Variants in ANGPT2 observed in about 807,000 individuals in gnomAD.
ANGPT2 encodes the protein angiopoietin 2, also known as angiopoietin-2.
ANGPT2 carries 28 observed loss-of-function variants against 62.9 expected under a neutral mutation model. The observed-to-expected ratio is 0.44, with a 90% CI of 0.33 to 0.61. The LOEUF is 0.61. Among genes scored for constraint, ANGPT2 ranks in the 20% least tolerant of loss-of-function variants. ANGPT2 has a pLI of 0.03. For synonymous variants in ANGPT2, 284 were observed against 207.8 expected (o/e 1.37, Z -3.15); for missense variants, 727 against 594.9 (o/e 1.22, Z -2.31).
chr8:6,515,631 G>C (rs1816120820), intron 5 of ANGPT2, among the ~76,000 whole-genome samples: 1 of 152,136 alleles, frequency 6.6e-6, no homozygotes, highest in Admixed American at 6.5e-5. Flanking sequence ...CTGAAAATAA[G>C]ATTACATAAA....
chr8:6,511,362 A>G (rs1393644021), intron 7 of ANGPT2, among the ~76,000 whole-genome samples: 2 of 152,174 alleles, frequency 1.3e-5, no homozygotes, highest in African/African-American at 2.4e-5. Context: ...GGTAACATCA[A>G]CATTAACAAT....
intron 7 of ANGPT2, 86 bp from the exon 8 acceptor site, chr8:6,509,148 T>G: frequency 3.3e-6 from 5 of 1,526,064 alleles, no homozygotes; most frequent in Non-Finnish European, 4.4e-6. Context: ...AGAATTCCAT[T>G]CTACAGAAGC....
intron 2 of ANGPT2, 136 bp from the exon 3 acceptor site, chr8:6,527,812 G>T: frequency 3.5e-6 from 3 of 859,828 alleles, no homozygotes; most frequent in South Asian, 2.0e-5. Flanking sequence ...ATCTTATTTT[G>T]GCATATTTTT....
chr8:6,554,908 G>A (rs1195397660), intron 1 of ANGPT2, among the ~76,000 whole-genome samples: 4 of 152,146 alleles, frequency 2.6e-5, no homozygotes, highest in African/African-American at 7.2e-5. Flanking sequence ...AGTGGTGCAA[G>A]GAAGGATTAG....
At chr8:6,536,614 G>C (rs948997139) in intron 1 of ANGPT2, among the ~76,000 whole-genome samples, 2 of 152,074 alleles carry the variant, frequency 1.3e-5, no homozygotes, top group Non-Finnish European at 2.9e-5. Context: ...CCAAAGATTA[G>C]TAGTAATTTT....
intron 5 of ANGPT2, among the ~76,000 whole-genome samples, chr8:6,517,061 A>T (rs531342904): frequency 6.6e-6 from 1 of 152,240 alleles, no homozygotes; most frequent in Admixed American, 6.5e-5. Context: ...TAATTGGACT[A>T]TAAAACTTGC....
rs551854809 is a variant in ANGPT2 at position 6,523,831 on chromosome 8, T to C, written c.567-2421A>G. ...CTCGAACTCCTGACTTCCTGATTCG[T>C]CCACCTCGGCCTTCCAAAGTGCTGG... On this transcript the variant is annotated intron_variant, in intron 3 of 8. Coordinates refer to ENST00000629816, the MANE Select transcript of ANGPT2 (RefSeq NM_001118887.2). 9.4e-4 allele frequency among the ~76,000 whole-genome samples: 142 copies of C among 151,692 alleles called. 7 individuals are homozygous for C. In the South Asian group the frequency reaches 0.029, roughly 31 times the overall value.
chr8:6,532,288 C>G (rs370868060), intron 2 of ANGPT2, 44 bp downstream of exon 2: 13 of 1,612,576 alleles, frequency 8.1e-6, no homozygotes, highest in Non-Finnish European at 1.1e-5. Context: ...GAGTGCTAGT[C>G]TCTAGCTGCA....
At chr8:6,513,993 A>G in intron 6 of ANGPT2, 149 bp from the exon 7 acceptor site, 1 of 753,160 alleles carries the variant, frequency 1.3e-6, no homozygotes, top group Non-Finnish European at 2.1e-6. Flanking sequence ...TTCCCAAAGG[A>G]AAATGGATTT....
intron 1 of ANGPT2, among the ~76,000 whole-genome samples, chr8:6,550,409 C>G (rs1224343222): frequency 6.6e-6 from 1 of 152,252 alleles, no homozygotes; most frequent in African/African-American, 2.4e-5. Flanking sequence ...GACCCCGTCT[C>G]TACAGCCGCT....
intron 1 of ANGPT2, among the ~76,000 whole-genome samples, chr8:6,533,549 A>G (rs1819927459): frequency 6.7e-6 from 1 of 149,106 alleles, no homozygotes; most frequent in South Asian, 2.1e-4. Context: ...GCGTAACTCC[A>G]GATACTTAGC....
chr8:6,531,391 C>A (rs1285385569), intron 2 of ANGPT2, among the ~76,000 whole-genome samples: 1 of 151,718 alleles, frequency 6.6e-6, no homozygotes, highest in African/African-American at 2.4e-5. Context: ...TGGGTTGAAG[C>A]AATTCTCCTG....
intron 1 of ANGPT2, among the ~76,000 whole-genome samples, chr8:6,547,861 G>A (rs1237421209): frequency 6.7e-6 from 1 of 150,078 alleles, no homozygotes; most frequent in Non-Finnish European, 1.5e-5. Context: ...TTGTTTGTTT[G>A]TTTCAGTGAG....
At chr8:6,546,453 A>C (rs534727173) in intron 1 of ANGPT2, among the ~76,000 whole-genome samples, 2 of 152,358 alleles carry the variant, frequency 1.3e-5, no homozygotes, top group East Asian at 3.9e-4. Context: ...ATTTGATTCC[A>C]AAGTTTGAGA....
At chr8:6,522,133 A>T (rs1312249228) in intron 3 of ANGPT2, among the ~76,000 whole-genome samples, 2 of 152,120 alleles carry the variant, frequency 1.3e-5, no homozygotes, top group African/African-American at 4.8e-5. Flanking sequence ...AGGCGGGCGG[A>T]TCACGAGGTC....
chr8:6,561,412 C>G (rs1825521656), intron 1 of ANGPT2, among the ~76,000 whole-genome samples: 1 of 152,192 alleles, frequency 6.6e-6, no homozygotes, highest in African/African-American at 2.4e-5. Flanking sequence ...CAAATAATAA[C>G]TTAGTCGTTT....
At chr8:6,535,826 T>C (rs796927773) in intron 1 of ANGPT2, among the ~76,000 whole-genome samples, 32 of 152,092 alleles carry the variant, frequency 2.1e-4, no homozygotes, top group African/African-American at 7.5e-4. Context: ...GGCAGGAGGA[T>C]TGCTTGCTCT....
intron 5 of ANGPT2, among the ~76,000 whole-genome samples, chr8:6,516,850 G>C (rs1039110005): frequency 6.6e-6 from 1 of 152,102 alleles, no homozygotes; most frequent in East Asian, 1.9e-4. Context: ...CAGAGAACAA[G>C]TTTATCTTGT....
At chr8:6,508,827 G>A (rs113081627) in intron 8 of ANGPT2, 105 bp downstream of exon 8, 1 of 1,492,666 alleles carries the variant, frequency 6.7e-7, no homozygotes, top group African/African-American at 1.4e-5. Flanking sequence ...GTATGAAATT[G>A]TGGACATCGT....
Sources: gnomAD v4.1 joint callset for allele counts (sites outside exome capture counted in the v4.1 genomes callset) on GRCh38, gnomAD v4.1.1 for gene constraint, MANE v1.5 for transcripts, NCBI Gene and HGNC (gene_info 2026-07-23, HGNC 2026-07-21) for gene names.